MEGF10: variants seen among roughly 807,000 people sequenced by gnomAD.
The protein encoded by MEGF10 is multiple epidermal growth factor-like domains protein 10.
MEGF10 carries 86 observed loss-of-function variants against 147.5 expected under a neutral mutation model. The ratio of observed to expected loss-of-function variants is 0.58; its 90% CI spans 0.49 to 0.70. The LOEUF (loss-of-function observed/expected upper bound fraction) is 0.70, where lower values mean the gene tolerates loss of function less well. Among genes scored for constraint, MEGF10 ranks in the 30% least tolerant of loss-of-function variants. MEGF10 has a pLI of 0.00. For missense variants in MEGF10, 1,329 were observed against 1,487.3 expected, an observed-to-expected ratio of 0.89 and a Z score of 1.75; for synonymous variants, 478 against 525.5, an observed-to-expected ratio of 0.91 and a Z score of 1.24.
intron 5 of MEGF10, among the ~76,000 whole-genome samples, chr5:127,375,439 A>C (rs1762988829): frequency 6.6e-6 from 1 of 152,182 alleles, no homozygotes; most frequent in African/African-American, 2.4e-5. Context: ...AGAATTGTAA[A>C]AAGTTTGTTC....
At chr5:127,411,977 G>A (rs1205011398) in intron 9 of MEGF10, among the ~76,000 whole-genome samples, 1 of 152,244 alleles carries the variant, frequency 6.6e-6, no homozygotes, top group Non-Finnish European at 1.5e-5. Flanking sequence ...GCTCTGCTAT[G>A]AGAAGAATTG....
intron 5 of MEGF10, 110 bp downstream of exon 5, chr5:127,370,112 T>C (rs1462539224): frequency 2.8e-6 from 2 of 716,612 alleles, no homozygotes; most frequent in Non-Finnish European, 2.3e-6. Flanking sequence ...ACACAGAGCA[T>C]AGTGTAAATG....
chr5:127,373,984 A>T (rs1762936187), intron 5 of MEGF10, among the ~76,000 whole-genome samples: 1 of 152,280 alleles, frequency 6.6e-6, no homozygotes, highest in East Asian at 1.9e-4. Flanking sequence ...AAAACTCTTC[A>T]TGGAAAAGTC....
the MEGF10 span, among the ~76,000 whole-genome samples, chr5:127,246,593 T>TAA: frequency 6.6e-6 from 1 of 151,126 alleles, no homozygotes; most frequent in Non-Finnish European, 1.5e-5. Flanking sequence ...TCCCAGAACT[T>TAA]AAAGTATAAT....
At chr5:127,321,356 A>G (rs561873312) in intron 1 of MEGF10, among the ~76,000 whole-genome samples, 38 of 152,204 alleles carry the variant, frequency 2.5e-4, no homozygotes, top group Non-Finnish European at 4.4e-4. Flanking sequence ...AGCCAAGTAA[A>G]TGTTTAAAAA....
At chr5:127,343,805 T>G (rs1761774446) in intron 4 of MEGF10, among the ~76,000 whole-genome samples, 1 of 151,738 alleles carries the variant, frequency 6.6e-6, no homozygotes. Context: ...AAAGTCATCT[T>G]CTCTAGGCTC....
chr5:127,390,243 G>A (rs1469220843), intron 5 of MEGF10, among the ~76,000 whole-genome samples: 1 of 151,530 alleles, frequency 6.6e-6, no homozygotes, highest in Non-Finnish European at 1.5e-5. Context: ...ATTAATGGCA[G>A]TTTCATCAGG....
At chr5:127,285,220 T>A in the MEGF10 span, among the ~76,000 whole-genome samples, 1 of 152,136 alleles carries the variant, frequency 6.6e-6, no homozygotes, top group Non-Finnish European at 1.5e-5. Context: ...ATTCCCAATA[T>A]CATGATTTCA....
At chr5:127,237,711 A>G in the MEGF10 span, among the ~76,000 whole-genome samples, 2 of 152,164 alleles carry the variant, frequency 1.3e-5, no homozygotes, top group Non-Finnish European at 2.9e-5. Flanking sequence ...TGTGAGTGGT[A>G]GAAAGGGCAG....
intron 21 of MEGF10, 152 bp downstream of exon 21, chr5:127,447,836 T>C: frequency 9.4e-7 from 1 of 1,066,280 alleles, no homozygotes; most frequent in Non-Finnish European, 1.3e-6. Flanking sequence ...TGAGTGTGCT[T>C]TGGGAATCTC....
chr5:127,431,638 A>G (rs1266462177), intron 13 of MEGF10, among the ~76,000 whole-genome samples: 1 of 152,166 alleles, frequency 6.6e-6, no homozygotes, highest in African/African-American at 2.4e-5. Context: ...TTGATTGTCT[A>G]AGTCTCTGTG....
intron 9 of MEGF10, among the ~76,000 whole-genome samples, chr5:127,413,489 C>A (rs1764647607): frequency 6.6e-6 from 1 of 152,070 alleles, no homozygotes; most frequent in African/African-American, 2.4e-5. Flanking sequence ...TCTGTTTCAG[C>A]CAATATTATA....
chr5:127,298,782 C>T lies in MEGF10; in HGVS notation c.-19+7726C>T, dbSNP rs1024604332. Among the ~76,000 whole-genome samples the T allele has an allele frequency of 7.2e-5, 11 of 152,152 alleles. No individual in the cohort carries two copies. The South Asian group carries it at 8.3e-4, about 11-fold the overall frequency. On this transcript the variant is annotated intron_variant, in intron 1 of 24. Coordinates refer to ENST00000503335, the MANE Select transcript of MEGF10 (RefSeq NM_001256545.2). ...TGAAGGGACAATGGCTGTAACACAA[C>T]GCTGTTCATGTGACAGCCGGAGTAA...
chr5:127,424,421 G>A, intron 13 of MEGF10: 1 of 999,806 alleles, frequency 1.0e-6, no homozygotes, highest in East Asian at 2.6e-5. Flanking sequence ...AAGCAAGGTG[G>A]AAATTTAATG....
chr5:127,322,298 C>G (rs1294524607), intron 1 of MEGF10, among the ~76,000 whole-genome samples: 2 of 152,074 alleles, frequency 1.3e-5, no homozygotes, highest in Non-Finnish European at 2.9e-5. Flanking sequence ...AACTTCCTTT[C>G]CCACTCACTT....
At chr5:127,427,418 A>G (rs1169775022) in intron 13 of MEGF10, among the ~76,000 whole-genome samples, 2 of 152,134 alleles carry the variant, frequency 1.3e-5, no homozygotes, top group Non-Finnish European at 2.9e-5. Flanking sequence ...GGTCTTGAGA[A>G]AGAGAGGAGA....
chr5:127,248,755 C>T, the MEGF10 span, among the ~76,000 whole-genome samples: 1 of 150,424 alleles, frequency 6.6e-6, no homozygotes. Flanking sequence ...AGGGAAGTCT[C>T]AGAAGAAAAG....
intron 1 of MEGF10, among the ~76,000 whole-genome samples, chr5:127,294,276 C>T (rs1339363709): frequency 2.0e-5 from 3 of 152,198 alleles, no homozygotes; most frequent in African/African-American, 7.2e-5. Context: ...TTATCCCTAA[C>T]AGATTGGTGA....
At chr5:127,348,549 A>G (rs1389913318) in intron 4 of MEGF10, among the ~76,000 whole-genome samples, 1 of 152,166 alleles carries the variant, frequency 6.6e-6, no homozygotes, top group African/African-American at 2.4e-5. Context: ...GTGCTTCTAT[A>G]TGTGTAGGTG....
Sources: gnomAD v4.1 joint callset for allele counts (sites outside exome capture counted in the v4.1 genomes callset) on GRCh38, gnomAD v4.1.1 for gene constraint, MANE v1.5 for transcripts, NCBI Gene and HGNC (gene_info 2026-07-23, HGNC 2026-07-21) for gene names.